Variants in PDE11A observed in about 807,000 individuals in gnomAD.
PDE11A encodes dual 3',5'-cyclic-AMP and -GMP phosphodiesterase 11A.
In PDE11A, 100 loss-of-function variants were observed where a neutral mutation model predicts 100.5. The observed-to-expected ratio is 1.00, with a 90% CI of 0.85 to 1.18. The LOEUF is 1.18. Among genes scored for constraint, PDE11A ranks in the 50% most tolerant of loss-of-function variants. The pLI, the probability that PDE11A is intolerant of heterozygous loss-of-function variation, is 0.00. For missense variants in PDE11A, 1,141 were observed against 1,152.6 expected (o/e 0.99, Z 0.15); for synonymous variants, 381 against 420.8 (o/e 0.91, Z 1.16).
chr2:177,951,405 T>G (rs2085503962), intron 2 of PDE11A, among the ~76,000 whole-genome samples: 1 of 152,218 alleles, frequency 6.6e-6, no homozygotes, highest in African/African-American at 2.4e-5. Context: ...TCAATGGAAT[T>G]CAATGACACA....
chr2:177,985,906 A>C (rs2085933690), intron 2 of PDE11A, among the ~76,000 whole-genome samples: 1 of 152,244 alleles, frequency 6.6e-6, no homozygotes, highest in African/African-American at 2.4e-5. Context: ...GCCCTAAAAA[A>C]CATAAGCCAA....
At chr2:177,652,336 A>G (rs2080322908) in intron 19 of PDE11A, among the ~76,000 whole-genome samples, 1 of 152,236 alleles carries the variant, frequency 6.6e-6, no homozygotes, top group Admixed American at 6.5e-5. Context: ...AGAGTCCTCA[A>G]GTAAGACTAG....
intron 10 of PDE11A, among the ~76,000 whole-genome samples, chr2:177,743,990 T>C (rs2081912042): frequency 6.6e-6 from 1 of 152,116 alleles, no homozygotes; most frequent in South Asian, 2.1e-4. Context: ...CCACCTGGGG[T>C]CCACCTGGGG....
At chr2:178,057,981 C>A (rs145544736) in intron 1 of PDE11A, among the ~76,000 whole-genome samples, 2,253 of 152,240 alleles carry the variant, frequency 0.015, 46 homozygotes, top group East Asian at 0.091. Flanking sequence ...CCTCAGCCCC[C>A]CTAGTAGCTG....
chr2:177,824,276 A>T (rs534615951), intron 6 of PDE11A, among the ~76,000 whole-genome samples: 1 of 152,210 alleles, frequency 6.6e-6, no homozygotes, highest in Non-Finnish European at 1.5e-5. Flanking sequence ...GGGGCTGGAG[A>T]TACCAATCTT....
At chr2:177,829,458 T>A (rs2083275944) in intron 6 of PDE11A, among the ~76,000 whole-genome samples, 1 of 151,974 alleles carries the variant, frequency 6.6e-6, no homozygotes, top group Non-Finnish European at 1.5e-5. Context: ...AATTCTTTTT[T>A]TTTTAAGATG....
chr2:178,090,701 A>G (rs544363785), intron 2 of PDE11A, among the ~76,000 whole-genome samples: 1 of 152,348 alleles, frequency 6.6e-6, no homozygotes, highest in South Asian at 2.1e-4. Flanking sequence ...GATAGGAGGT[A>G]GGTACATCAC....
intron 5 of PDE11A, among the ~76,000 whole-genome samples, chr2:177,841,483 T>A (rs2105625992): frequency 6.6e-6 from 1 of 152,346 alleles, no homozygotes; most frequent in African/African-American, 2.4e-5. Flanking sequence ...AACTGCACTA[T>A]ATGTAAGAAA....
chr2:177,670,304 T>C (rs2080657989), intron 17 of PDE11A, among the ~76,000 whole-genome samples: 1 of 152,218 alleles, frequency 6.6e-6, no homozygotes, highest in African/African-American at 2.4e-5. Flanking sequence ...AAACCTTAAA[T>C]AGAGACTTAT....
At chr2:177,692,604 C>T (rs376859108) in intron 15 of PDE11A, among the ~76,000 whole-genome samples, 1 of 152,252 alleles carries the variant, frequency 6.6e-6, no homozygotes, top group South Asian at 2.1e-4. Context: ...CAGAAACAGG[C>T]ACAGAAATCA....
intron 12 of PDE11A, among the ~76,000 whole-genome samples, chr2:177,716,947 A>T (rs889864870): frequency 6.6e-6 from 1 of 152,218 alleles, no homozygotes; most frequent in African/African-American, 2.4e-5. Flanking sequence ...TGTTCCACAC[A>T]GTCCCTGTCC....
At chr2:177,959,404 T>G (rs1023658726) in intron 2 of PDE11A, among the ~76,000 whole-genome samples, 2 of 152,190 alleles carry the variant, frequency 1.3e-5, no homozygotes, top group African/African-American at 2.4e-5. Flanking sequence ...ATTTACAGTT[T>G]TAAAGTATCT....
intron 5 of PDE11A, among the ~76,000 whole-genome samples, chr2:177,862,477 T>C (rs1574227847): frequency 6.6e-6 from 1 of 151,812 alleles, no homozygotes; most frequent in East Asian, 1.9e-4. Flanking sequence ...AGACCTAATA[T>C]ATGAATTGAG....
At chr2:177,964,001 A>G (rs1324400231) in intron 2 of PDE11A, among the ~76,000 whole-genome samples, 1 of 152,230 alleles carries the variant, frequency 6.6e-6, no homozygotes, top group Non-Finnish European at 1.5e-5. Context: ...GCCTAGCACA[A>G]TGCCTGGTAT....
At chr2:178,099,896 C>T (rs1344620026) in intron 2 of PDE11A, among the ~76,000 whole-genome samples, 1 of 152,100 alleles carries the variant, frequency 6.6e-6, no homozygotes, top group Non-Finnish European at 1.5e-5. Flanking sequence ...AAACAAAATG[C>T]TATCTACATA....
At chr2:177,853,680 A>ATATATATGTGTGTGTGTGTGTG (rs2083766252) in intron 5 of PDE11A, among the ~76,000 whole-genome samples, 1 of 36,532 alleles carries the variant, frequency 2.7e-5, no homozygotes, top group Non-Finnish European at 5.2e-5. Flanking sequence ...ATATATATAT[A>ATATATATGTGTGTGTGTGTGTG]TGTGTGTGTG....
chr2:177,927,262 T>C (rs1162195574), intron 2 of PDE11A, among the ~76,000 whole-genome samples: 2 of 152,252 alleles, frequency 1.3e-5, no homozygotes, highest in East Asian at 3.8e-4. Flanking sequence ...TTGAAATATA[T>C]TCTCTTTCTT....
chr2:177,832,928 A>G (rs1475428170), intron 6 of PDE11A, among the ~76,000 whole-genome samples: 4 of 152,282 alleles, frequency 2.6e-5, no homozygotes, highest in Admixed American at 6.5e-5. Flanking sequence ...CAAGTCAAAG[A>G]TCAAACAGCG....
intron 4 of PDE11A, among the ~76,000 whole-genome samples, chr2:177,886,333 G>A (rs34934707): frequency 1.2e-4 from 19 of 152,092 alleles, no homozygotes; most frequent in Non-Finnish European, 1.9e-4. Context: ...GAAGCAAAAG[G>A]GTGCAAAATA....
Sources: gnomAD v4.1 joint callset for allele counts (sites outside exome capture counted in the v4.1 genomes callset) on GRCh38, gnomAD v4.1.1 for gene constraint, MANE v1.5 for transcripts, NCBI Gene and HGNC (gene_info 2026-07-23, HGNC 2026-07-21) for gene names.